CPEB2: variants seen among roughly 807,000 people sequenced by gnomAD.
The protein encoded by CPEB2 is cytoplasmic polyadenylation element binding protein 2.
CPEB2 carries 56 observed loss-of-function variants against 93.6 expected under a neutral mutation model. That is an observed-to-expected ratio of 0.60 (90% CI 0.48 to 0.75). The LOEUF (loss-of-function observed/expected upper bound fraction) is 0.75. Ranked by LOEUF, CPEB2 falls within the 30% of genes least tolerant of loss-of-function variation. The pLI, the probability that CPEB2 is intolerant of heterozygous loss-of-function variation, is 0.00. For synonymous variants in CPEB2, 764 were observed against 586.3 expected (o/e 1.30, Z -4.38); for missense variants, 1,579 against 1,395.1 (o/e 1.13, Z -2.10).
chr4:15,066,419 G>A lies in CPEB2; in HGVS notation c.*39G>A. ...GCCTCTGTTTAACAAGGAAAGAAAG[G>A]GTGCATGTGGCTTACTGTGTCTGAA... On this transcript the variant is annotated 3_prime_UTR_variant, in exon 12 of 12. Transcript: ENST00000538197. 1 of 1,425,438 alleles carries A rather than the reference G, an allele frequency of 7.0e-7. No individual in the cohort carries two copies. The allele number at this position is 1,425,438 out of a possible 1,614,324, so 88.3% of individuals were successfully genotyped here.
At chr4:15,052,707 C>A in intron 7 of CPEB2, 123 bp downstream of exon 7, 1 of 511,688 alleles carries the variant, frequency 2.0e-6, no homozygotes, top group Non-Finnish European at 3.2e-6. Context: ...AATTAGAATG[C>A]ATTTTCTTCT....
At chr4:15,004,397 G>A in intron 1 of CPEB2, 62 bp downstream of exon 1, 1 of 1,265,086 alleles carries the variant, frequency 7.9e-7, no homozygotes, top group Non-Finnish European at 1.0e-6. Flanking sequence ...GGGGACGGAG[G>A]CGGGGGCAGG....
intron 6 of CPEB2, among the ~76,000 whole-genome samples, chr4:15,046,320 G>A (rs1016975602): frequency 6.6e-6 from 1 of 152,136 alleles, no homozygotes; most frequent in Non-Finnish European, 1.5e-5. Flanking sequence ...CCACCTCCTA[G>A]GTTGAAGCGA....
rs1560208839 is a variant in CPEB2, at chr4:15,004,218, CGCG to C, written c.1549_1551del (p.Ala517del). The C allele has an allele frequency of 1.3e-6, 2 of 1,492,692 alleles. No individual in the cohort carries two copies. The highest frequency in any genetic ancestry group is 2.8e-5 in the East Asian group (1 of 35,210). 92.5% of individuals were successfully genotyped at this position (1,492,692 alleles called of 1,614,324 possible). ...TACCTCAACAGCAGCCCCCGCCGCC[CGCG>C]GCGCCGCAGCAGCCGCAGAGCCGGA... On this transcript the variant is annotated inframe_deletion, in exon 1 of 12. Transcript: ENST00000538197.
chr4:15,033,298 C>T, intron 5 of CPEB2, 87 bp downstream of exon 5: 2 of 809,974 alleles, frequency 2.5e-6, no homozygotes, highest in South Asian at 3.0e-5. Flanking sequence ...TCCATACACA[C>T]AATTTAATCA....
At chr4:15,015,444 C>T (rs538319794) in intron 3 of CPEB2, among the ~76,000 whole-genome samples, 1 of 152,066 alleles carries the variant, frequency 6.6e-6, no homozygotes, top group South Asian at 2.1e-4. Context: ...AGCATTCCTT[C>T]CGTCATTCAG....
intron 3 of CPEB2, among the ~76,000 whole-genome samples, chr4:15,016,010 A>T (rs963099264): frequency 2.0e-5 from 3 of 152,150 alleles, no homozygotes; most frequent in Non-Finnish European, 2.9e-5. Context: ...GGACTACTGT[A>T]CACCTATGAA....
intron 4 of CPEB2, among the ~76,000 whole-genome samples, chr4:15,026,626 A>G (rs181433385): frequency 3.3e-5 from 5 of 152,314 alleles, no homozygotes; most frequent in East Asian, 1.9e-4. Context: ...ATCAGCATCT[A>G]TCATGATGTC....
chr4:15,025,878 A>G (rs1413174136), intron 4 of CPEB2, among the ~76,000 whole-genome samples: 1 of 152,112 alleles, frequency 6.6e-6, no homozygotes, highest in African/African-American at 2.4e-5. Flanking sequence ...TCACATTTAC[A>G]GTTCCCAGAA....
intron 4 of CPEB2, among the ~76,000 whole-genome samples, chr4:15,028,508 G>C (rs1382275461): frequency 1.3e-5 from 2 of 152,040 alleles, no homozygotes; most frequent in Non-Finnish European, 1.5e-5. Context: ...TTATATGCTA[G>C]AGAGTAAGAG....
At chr4:15,007,715 TTTAA>T (rs1723015152) in intron 2 of CPEB2, 129 bp downstream of exon 2, 8 of 528,318 alleles carry the variant, frequency 1.5e-5, no homozygotes, top group Admixed American at 4.0e-5. Context: ...AAGCATGTAA[TTTAA>T]TTAACAAAGG....
At chr4:15,048,465 G>C (rs1425216973) in intron 6 of CPEB2, among the ~76,000 whole-genome samples, 1 of 151,846 alleles carries the variant, frequency 6.6e-6, no homozygotes, top group African/African-American at 2.4e-5. Flanking sequence ...CATTTTTCAA[G>C]GGATTTGTTT....
intron 4 of CPEB2, among the ~76,000 whole-genome samples, chr4:15,028,823 A>G (rs1389575606): frequency 2.0e-5 from 3 of 152,162 alleles, no homozygotes; most frequent in African/African-American, 7.2e-5. Context: ...CAAAAATGGT[A>G]GAGAATCAGG....
Position 15,059,280 on chromosome 4 carries a change from G to T in CPEB2, c.2674G>T (p.Val892Phe). Residue 892 changes from valine (V) to phenylalanine (F), a missense_variant, in exon 10 of 12, where the codon GTT (valine) becomes TTT (phenylalanine). By Grantham distance (50) the Val-to-Phe change is conservative. This residue lies in a region of CPEB2 where 168 missense variants were observed against 339.1 expected (regional missense o/e 0.50). Transcript: ENST00000538197. Reference protein sequence around the residue: ...DPRKTIFVGGVPRPLRAVELA... With the variant: ...DPRKTIFVGGFPRPLRAVELA... ...CCGAAAAACAATTTTTGTTGGAGGT[G>T]TTCCTAGGCCATTAAGGGCTGGTAA... 6.2e-7 allele frequency: 1 copy of T among 1,611,836 alleles called. No individual in the cohort carries two copies. Among genetic ancestry groups the T allele is most frequent in the Non-Finnish European group, 8.5e-7 (1 of 1,178,156 alleles).
In CPEB2 at chr4:15,004,248, G is replaced by A; in HGVS notation, c.1575G>A (p.Arg525=). The A allele has an allele frequency of 2.0e-6, 3 of 1,494,554 alleles. No homozygotes were observed. Among genetic ancestry groups the A allele is most frequent in the Non-Finnish European group, 2.7e-6 (3 of 1,129,138 alleles). 92.6% of individuals were successfully genotyped at this position (1,494,554 alleles called of 1,614,324 possible). ...PAAPQQPQSR[R]SPVSPQLQQQ... ...CGCCGCAGCAGCCGCAGAGCCGGAG[G>A]TCGCCCGTCAGCCCGCAGCTCCAGC... The change falls in exon 1 of 12, where the codon AGG becomes AGA. Residue 525 remains arginine (R), a synonymous_variant. Coordinates refer to ENST00000538197, the MANE Select transcript of CPEB2 (RefSeq NM_001177382.2).
intron 7 of CPEB2, 30 bp downstream of exon 7, chr4:15,052,614 G>T (rs779594588): frequency 1.2e-5 from 16 of 1,368,628 alleles, no homozygotes; most frequent in Middle Eastern, 1.9e-4. Context: ...TTAACATGGT[G>T]ATTTGGGCTT....
intron 4 of CPEB2, 100 bp downstream of exon 4, chr4:15,017,378 C>G: frequency 1.9e-6 from 1 of 529,728 alleles, no homozygotes; most frequent in Middle Eastern, 4.9e-4. Context: ...CACCTATATC[C>G]AATATAAAAC....
chr4:15,055,899 C>T (rs1168634109), intron 8 of CPEB2, among the ~76,000 whole-genome samples: 1 of 152,106 alleles, frequency 6.6e-6, no homozygotes, highest in African/African-American at 2.4e-5. Context: ...TTTTGTATCT[C>T]AAGCTTAAGT....
intron 6 of CPEB2, among the ~76,000 whole-genome samples, chr4:15,049,572 G>A (rs1203807676): frequency 6.6e-6 from 1 of 151,980 alleles, no homozygotes; most frequent in Non-Finnish European, 1.5e-5. Flanking sequence ...ATTATTTTTA[G>A]TGGACCTTGA....
Sources: allele counts gnomAD v4.1 joint callset (sites outside exome capture counted in the v4.1 genomes callset), GRCh38; gene constraint gnomAD v4.1.1; regional missense constraint gnomAD v4.1.1; transcripts MANE v1.5; gene names NCBI Gene and HGNC (gene_info 2026-07-23, HGNC 2026-07-21).